The following PSMD14 variants were observed in gnomAD, a reference collection of about 807,000 sequenced individuals.
The protein encoded by PSMD14 is ubiquitin C-terminal hydrolase PSMD14.
A neutral mutation model predicts 41.2 loss-of-function variants in PSMD14; 7 were observed. The ratio of observed to expected loss-of-function variants is 0.17; its 90% CI spans 0.10 to 0.32. PSMD14 has a LOEUF of 0.32. Ranked by LOEUF, PSMD14 falls within the 10% of genes least tolerant of loss-of-function variation. PSMD14 has a pLI of 1.00. For synonymous variants in PSMD14, 114 were observed against 122.3 expected, an observed-to-expected ratio of 0.93 and a Z score of 0.45; for missense variants, 139 against 375.6, an observed-to-expected ratio of 0.37 and a Z score of 5.21.
At chr2:161,350,301 G>C (rs943705490) in intron 3 of PSMD14, among the ~76,000 whole-genome samples, 1 of 152,120 alleles carries the variant, frequency 6.6e-6, no homozygotes, top group African/African-American at 2.4e-5. Context: ...TACAGCCTGG[G>C]ATGTACTTAG....
At chr2:161,325,598 A>C (rs904074435) in intron 3 of PSMD14, among the ~76,000 whole-genome samples, 1 of 152,244 alleles carries the variant, frequency 6.6e-6, no homozygotes, top group Non-Finnish European at 1.5e-5. Flanking sequence ...TTTCCAATTA[A>C]TCATACATTC....
intron 3 of PSMD14, among the ~76,000 whole-genome samples, chr2:161,363,691 A>T (rs1336525732): frequency 6.6e-6 from 1 of 152,052 alleles, no homozygotes; most frequent in Non-Finnish European, 1.5e-5. Context: ...GTCATCTTTG[A>T]TCTGTAGCTG....
intron 7 of PSMD14, among the ~76,000 whole-genome samples, chr2:161,373,317 A>C (rs1415871410): frequency 6.6e-6 from 1 of 151,854 alleles, no homozygotes; most frequent in Non-Finnish European, 1.5e-5. Flanking sequence ...ATTTAGTGTA[A>C]ATATCTATCA....
intron 3 of PSMD14, among the ~76,000 whole-genome samples, chr2:161,335,022 C>G (rs1305976970): frequency 1.3e-5 from 2 of 152,240 alleles, no homozygotes; most frequent in African/African-American, 4.8e-5. Flanking sequence ...GAGATTACTT[C>G]TGTCCCTTAA....
chr2:161,402,133 C>T (rs1034571136), intron 10 of PSMD14, among the ~76,000 whole-genome samples: 5 of 152,226 alleles, frequency 3.3e-5, no homozygotes, highest in Non-Finnish European at 5.9e-5. Flanking sequence ...TCTGCCTCTT[C>T]GCATTGCCAG....
chr2:161,320,389 A>G (rs1477155622), intron 3 of PSMD14, among the ~76,000 whole-genome samples: 1 of 152,234 alleles, frequency 6.6e-6, no homozygotes, highest in African/African-American at 2.4e-5. Flanking sequence ...GGCGACTTCA[A>G]AGCTTTATAT....
chr2:161,329,267 G>C (rs894934064), intron 3 of PSMD14, among the ~76,000 whole-genome samples: 1 of 152,096 alleles, frequency 6.6e-6, no homozygotes, highest in African/African-American at 2.4e-5. Flanking sequence ...ATATCTGCTA[G>C]AGCAATCCTG....
chr2:161,335,321 A>G (rs1682852719), intron 3 of PSMD14, among the ~76,000 whole-genome samples: 1 of 152,200 alleles, frequency 6.6e-6, no homozygotes, highest in South Asian at 2.1e-4. Context: ...TGGGTTGGAA[A>G]TATATTATAT....
Position 161,318,987 on chromosome 2 carries a change from G to A in PSMD14, c.48+114G>A, listed in dbSNP as rs1574113429. ...AAATCACCTAACAGATAACTCTATGGTAAGAATCTTACCTTATTGATGTTT... is the reference window on the plus strand; with the variant it reads ...AAATCACCTAACAGATAACTCTATGATAAGAATCTTACCTTATTGATGTTT... On this transcript the variant is annotated intron_variant, in intron 3 of 11. Coordinates refer to ENST00000409682, the MANE Select transcript of PSMD14 (RefSeq NM_005805.6). 10 of 741,834 alleles carry A rather than the reference G, an allele frequency of 1.3e-5. No individual in the cohort carries two copies. The East Asian group carries it at 2.7e-4, about 20-fold the overall frequency. 46.0% of individuals were successfully genotyped at this position (741,834 alleles called of 1,614,324 possible).
At chr2:161,310,084 GA>G (rs1450196418) in intron 1 of PSMD14, among the ~76,000 whole-genome samples, 1 of 152,118 alleles carries the variant, frequency 6.6e-6, no homozygotes, top group African/African-American at 2.4e-5. Flanking sequence ...CTGGGAGGTG[GA>G]GGTTGCAGTG....
At chr2:161,380,501 T>A (rs949614638) in intron 7 of PSMD14, among the ~76,000 whole-genome samples, 4 of 152,004 alleles carry the variant, frequency 2.6e-5, no homozygotes, top group Non-Finnish European at 5.9e-5. Context: ...AAAAGTAAAT[T>A]ATGCAAGTTA....
chr2:161,314,785 G>C (rs937975499), intron 1 of PSMD14, among the ~76,000 whole-genome samples: 2 of 152,110 alleles, frequency 1.3e-5, no homozygotes, highest in African/African-American at 2.4e-5. Context: ...GTTTATAGTA[G>C]AATTTGTTTA....
At chr2:161,332,809 C>A (rs189223519) in intron 3 of PSMD14, among the ~76,000 whole-genome samples, 4 of 152,328 alleles carry the variant, frequency 2.6e-5, no homozygotes, top group South Asian at 2.1e-4. Context: ...TGGGATTACA[C>A]CAGAGTGCTA....
chr2:161,401,040 A>G (rs934045532), intron 10 of PSMD14, among the ~76,000 whole-genome samples: 1 of 152,250 alleles, frequency 6.6e-6, no homozygotes. Flanking sequence ...CTTGATATGT[A>G]CTATAGATAG....
At chr2:161,327,241 T>G (rs1201644853) in intron 3 of PSMD14, among the ~76,000 whole-genome samples, 2 of 152,150 alleles carry the variant, frequency 1.3e-5, no homozygotes, top group Admixed American at 1.3e-4. Context: ...TATTGTTTAA[T>G]GGGTACGGAG....
At chr2:161,399,781 G>T (rs546464773) in intron 10 of PSMD14, among the ~76,000 whole-genome samples, 2 of 152,178 alleles carry the variant, frequency 1.3e-5, no homozygotes, top group South Asian at 4.2e-4. Context: ...GAAAGTAATT[G>T]ATACATTTTT....
intron 3 of PSMD14, among the ~76,000 whole-genome samples, chr2:161,366,924 C>T (rs1279443109): frequency 1.3e-5 from 2 of 152,062 alleles, no homozygotes; most frequent in African/African-American, 4.8e-5. Context: ...TTTGTTCACA[C>T]CTGGGGCAAT....
At chr2:161,317,016 G>C (rs1409260807) in intron 2 of PSMD14, among the ~76,000 whole-genome samples, 2 of 152,042 alleles carry the variant, frequency 1.3e-5, no homozygotes, top group African/African-American at 4.8e-5. Context: ...TATGTTGTTT[G>C]TTTTTTCTGT....
chr2:161,383,073 T>C (rs1438877105), intron 7 of PSMD14: 1 of 151,484 alleles, frequency 6.6e-6, no homozygotes, highest in Non-Finnish European at 1.5e-5. Flanking sequence ...TACGGTGGCA[T>C]AATTAACACC....
Sources: gnomAD v4.1 joint callset for allele counts (sites outside exome capture counted in the v4.1 genomes callset) on GRCh38, gnomAD v4.1.1 for gene constraint, MANE v1.5 for transcripts, NCBI Gene and HGNC (gene_info 2026-07-23, HGNC 2026-07-21) for gene names.